The following PKHD1L1 variants were observed in gnomAD, a reference collection of about 807,000 sequenced individuals.
PKHD1L1 encodes PKHD1 like 1.
PKHD1L1 carries 434 observed loss-of-function variants against 462.9 expected under a neutral mutation model. That is an observed-to-expected ratio of 0.94 (90% confidence interval 0.87 to 1.02). The LOEUF (loss-of-function observed/expected upper bound fraction) is 1.02. Among genes scored for constraint, PKHD1L1 ranks in the 50% least tolerant of loss-of-function variants. PKHD1L1 has a pLI of 0.00. For synonymous variants in PKHD1L1, 1,781 were observed against 1,750.0 expected, an observed-to-expected ratio of 1.02 and a Z score of -0.44; for missense variants, 5,202 against 5,096.1, an observed-to-expected ratio of 1.02 and a Z score of -0.63.
At chr8:109,505,552 C>A (rs1030323461) in intron 68 of PKHD1L1, among the ~76,000 whole-genome samples, 9 of 152,056 alleles carry the variant, frequency 5.9e-5, no homozygotes, top group African/African-American at 1.7e-4. Flanking sequence ...TATTACTGAT[C>A]TTTGACCATT....
chr8:109,454,993 T>G, intron 45 of PKHD1L1, 141 bp downstream of exon 45: 1 of 1,158,330 alleles, frequency 8.6e-7, no homozygotes, highest in Non-Finnish European at 1.2e-6. Context: ...ATATCCCCTC[T>G]TTACCCCTTC....
intron 4 of PKHD1L1, 27 bp downstream of exon 4, chr8:109,382,598 A>G (rs748296333): frequency 1.9e-6 from 3 of 1,562,006 alleles, no homozygotes; most frequent in Non-Finnish European, 2.6e-6. Context: ...TCTTCAGTTT[A>G]TGTATAGTTG....
chr8:109,468,897 G>A, intron 50 of PKHD1L1, among the ~76,000 whole-genome samples: 1 of 152,162 alleles, frequency 6.6e-6, no homozygotes, highest in East Asian at 1.9e-4. Context: ...TAGGTAAGAA[G>A]CAGTGAATTT....
At chr8:109,506,576 C>A (rs903221647) in intron 68 of PKHD1L1, among the ~76,000 whole-genome samples, 6 of 152,160 alleles carry the variant, frequency 3.9e-5, no homozygotes, top group African/African-American at 1.4e-4. Flanking sequence ...GAGCCCAAAG[C>A]CACAACATAA....
chr8:109,466,983 G>C (rs1270114964), intron 50 of PKHD1L1, among the ~76,000 whole-genome samples: 5 of 152,022 alleles, frequency 3.3e-5, no homozygotes, highest in Non-Finnish European at 5.9e-5. Flanking sequence ...TGCTGATCAA[G>C]AAACCTCCAG....
chr8:109,423,456 T>C (rs115866855), intron 23 of PKHD1L1, among the ~76,000 whole-genome samples: 3,614 of 152,180 alleles, frequency 0.024, 136 homozygotes, highest in African/African-American at 0.083. Flanking sequence ...TATTTCTGAG[T>C]TTTCTATTCT....
chr8:109,413,340 T>C (rs993991165), intron 20 of PKHD1L1, 81 bp from the exon 21 acceptor site: 4 of 980,824 alleles, frequency 4.1e-6, no homozygotes, highest in Non-Finnish European at 5.5e-6. Context: ...AAATATTTAT[T>C]GACTTTGAAT....
At chr8:109,386,187 C>T (rs1393968633) in intron 6 of PKHD1L1, among the ~76,000 whole-genome samples, 2 of 152,310 alleles carry the variant, frequency 1.3e-5, no homozygotes, top group East Asian at 3.9e-4. Context: ...GTAACCTTGG[C>T]TAGTTAGCTA....
chr8:109,466,869 A>C, intron 50 of PKHD1L1, 100 bp downstream of exon 50: 1 of 1,087,410 alleles, frequency 9.2e-7, no homozygotes, highest in South Asian at 1.6e-5. Flanking sequence ...CAAACATTGC[A>C]AAAAGTATAA....
At position 109,394,488 on chromosome 8, in the gene PKHD1L1, A is replaced by C; in HGVS notation, c.811+3A>C. The stretch of plus-strand genomic sequence containing the variant: ...TGCAATGTTTCAAACATATGCAGGT[A>C]TGTGACTTTTCTTTCACTCTGTTGC... On this transcript the variant is annotated splice_donor_region_variant and intron_variant, in intron 10 of 77. Coordinates refer to ENST00000378402, the MANE Select transcript of PKHD1L1 (RefSeq NM_177531.6). The C allele has an allele frequency of 6.7e-7, 1 of 1,494,972 alleles. No individual in the cohort carries two copies. The highest frequency in any genetic ancestry group is 9.0e-7 in the Non-Finnish European group (1 of 1,114,394). The allele number at this position is 1,494,972 out of a possible 1,614,324, so 92.6% of individuals were successfully genotyped here.
At chr8:109,512,791 T>C (rs1446558235) in intron 71 of PKHD1L1, among the ~76,000 whole-genome samples, 2 of 151,906 alleles carry the variant, frequency 1.3e-5, no homozygotes, top group Non-Finnish European at 2.9e-5. Context: ...TTGGGCAGTA[T>C]GGCCATTTTC....
intron 22 of PKHD1L1, 57 bp downstream of exon 22, chr8:109,419,317 GA>G: frequency 7.3e-7 from 1 of 1,374,382 alleles, no homozygotes; most frequent in Non-Finnish European, 9.7e-7. Context: ...TCTTACCATG[GA>G]AATTATTTTT....
chr8:109,515,138 T>G (rs775238222), intron 71 of PKHD1L1, 32 bp from the exon 72 acceptor site: 11 of 1,451,540 alleles, frequency 7.6e-6, no homozygotes, highest in Non-Finnish European at 1.0e-5. Flanking sequence ...TTCTATTTTG[T>G]TGCTTTCTTA....
In PKHD1L1 at chr8:109,401,519, C is replaced by T. The variant is rs763129455; in HGVS notation, c.1304C>T (p.Ala435Val). Residue 435 changes from alanine to valine, a missense_variant, in exon 14 of 78, where the codon GCT (alanine) becomes GTT (valine). Around this residue, in one of 3 missense-constraint regions of PKHD1L1, gnomAD observed 4,497 missense variants for 4,336.8 expected, o/e 1.04. Transcript: ENST00000378402. ...TAGGTGAGGATTGCATATCATTCTG[C>T]TAATGCCAACAGTTATTTTTCCAGT... ...EDKVRIAYHS[A>V]NANSYFSSPT... 41 of 1,588,786 alleles carry T rather than the reference C, an allele frequency of 2.6e-5. No homozygotes were observed. The highest frequency in any genetic ancestry group is 3.5e-5 in the Non-Finnish European group (41 of 1,158,870).
intron 58 of PKHD1L1, 93 bp from the exon 59 acceptor site, chr8:109,486,555 T>C: frequency 8.0e-7 from 1 of 1,252,446 alleles, no homozygotes; most frequent in Non-Finnish European, 1.1e-6. Context: ...TTTTGGCTTA[T>C]TAGAAGGCTG....
chr8:109,482,789 C>G (rs1001902512), intron 56 of PKHD1L1, among the ~76,000 whole-genome samples, 198 bp from the exon 57 acceptor site: 5 of 151,612 alleles, frequency 3.3e-5, no homozygotes, highest in African/African-American at 1.2e-4. Flanking sequence ...GCTTTAATGT[C>G]TATGAGCCAG....
At chr8:109,524,073 A>C (rs1820697871) in intron 76 of PKHD1L1, among the ~76,000 whole-genome samples, 1 of 152,212 alleles carries the variant, frequency 6.6e-6, no homozygotes, top group African/African-American at 2.4e-5. Context: ...ACCAGGGTCC[A>C]GATGATATAT....
chr8:109,436,580 C>T (rs1815428802), intron 30 of PKHD1L1, 121 bp downstream of exon 30: 2 of 1,438,346 alleles, frequency 1.4e-6, no homozygotes, highest in Non-Finnish European at 9.2e-7. Flanking sequence ...TGCAGGGTTT[C>T]TATTATGCTC....
At chr8:109,470,335 A>G in intron 50 of PKHD1L1, 2 of 1,520,038 alleles carry the variant, frequency 1.3e-6, no homozygotes, top group Non-Finnish European at 1.8e-6. Context: ...CTTAGTTTGG[A>G]GAGAGAGTGA....
Sources: gnomAD v4.1 joint callset for allele counts (sites outside exome capture counted in the v4.1 genomes callset) on GRCh38, gnomAD v4.1.1 for gene constraint, gnomAD v4.1.1 regional missense constraint, MANE v1.5 for transcripts, NCBI Gene and HGNC (gene_info 2026-07-23, HGNC 2026-07-21) for gene names.